The following NPFFR2 variants were observed in gnomAD, a reference collection of about 807,000 sequenced individuals.
NPFFR2 encodes the protein G-protein coupled receptor 74.
NPFFR2 carries 15 observed loss-of-function variants against 13.1 expected under a neutral mutation model. The ratio of observed to expected loss-of-function variants is 1.15; its 90% CI spans 0.77 to 1.76. NPFFR2 has a LOEUF of 1.76. NPFFR2 is among the 40% of genes most tolerant of loss of function. The probability of loss-of-function intolerance (pLI) is 0.00; values close to 1 mark genes in which losing one functional copy is unlikely to be tolerated. For missense variants in NPFFR2, 572 were observed against 503.5 expected, an observed-to-expected ratio of 1.14 and a Z score of -1.30; for synonymous variants, 190 against 175.7, an observed-to-expected ratio of 1.08 and a Z score of -0.65.
At chr4:72,130,431 G>A (rs1305004307) in intron 2 of NPFFR2, among the ~76,000 whole-genome samples, 1 of 152,058 alleles carries the variant, frequency 6.6e-6, no homozygotes, top group East Asian at 1.9e-4. Context: ...TAGTTTATGT[G>A]TGCAACATAA....
chr4:72,077,516 C>T (rs1322722489), intron 1 of NPFFR2, among the ~76,000 whole-genome samples: 1 of 152,080 alleles, frequency 6.6e-6, no homozygotes, highest in Non-Finnish European at 1.5e-5. Context: ...AAATTAATAT[C>T]TCATCCACGA....
chr4:72,103,675 T>G (rs1215580708), intron 1 of NPFFR2, among the ~76,000 whole-genome samples: 5 of 152,090 alleles, frequency 3.3e-5, no homozygotes, highest in African/African-American at 7.2e-5. Flanking sequence ...GCAATAAACT[T>G]TCCTTTATGG....
At chr4:72,130,411 CA>C (rs1052216328) in intron 2 of NPFFR2, among the ~76,000 whole-genome samples, 4 of 151,958 alleles carry the variant, frequency 2.6e-5, no homozygotes, top group Non-Finnish European at 2.9e-5. Context: ...AATGATTTTT[CA>C]AAAAGTGGTA....
At chr4:72,132,829 C>A (rs1318130573) in intron 2 of NPFFR2, among the ~76,000 whole-genome samples, 1 of 152,090 alleles carries the variant, frequency 6.6e-6, no homozygotes, top group East Asian at 1.9e-4. Context: ...GTCCTTTGCC[C>A]ACTTTTTAAT....
chr4:72,038,930 A>G (rs1174579036), intron 1 of NPFFR2, among the ~76,000 whole-genome samples: 2 of 40,990 alleles, frequency 4.9e-5, no homozygotes, highest in Non-Finnish European at 8.4e-5. Context: ...TTTTTTTGAG[A>G]TGGAGTCTCT....
In NPFFR2 at chr4:72,145,469, A is replaced by G. The variant is rs530395595; in HGVS notation, c.429-1509A>G. ...ATATATGTACTTATATATTTGTTTAATAAGTAAATTGAACAATAATATCCA... is the reference window on the plus strand; with the variant it reads ...ATATATGTACTTATATATTTGTTTAGTAAGTAAATTGAACAATAATATCCA... On this transcript the variant is annotated intron_variant, in intron 3 of 3. Coordinates refer to ENST00000308744, the MANE Select transcript of NPFFR2 (RefSeq NM_004885.3). 8.5e-5 allele frequency among the ~76,000 whole-genome samples: 13 copies of G among 152,126 alleles called. No individual in the cohort carries two copies. In the South Asian group the frequency reaches 2.1e-3, roughly 24 times the overall value.
chr4:72,106,465 C>G (rs1290290872), intron 1 of NPFFR2, among the ~76,000 whole-genome samples: 1 of 151,990 alleles, frequency 6.6e-6, no homozygotes, highest in African/African-American at 2.4e-5. Context: ...TGAATTGCCC[C>G]GCATGAAGAG....
At chr4:72,115,240 A>G (rs547386112) in intron 1 of NPFFR2, among the ~76,000 whole-genome samples, 2 of 152,274 alleles carry the variant, frequency 1.3e-5, no homozygotes, top group African/African-American at 4.8e-5. Context: ...AGAAATGAAA[A>G]GGTCAAGTGG....
chr4:72,120,824 A>C (rs1319085440), intron 1 of NPFFR2, among the ~76,000 whole-genome samples: 1 of 152,110 alleles, frequency 6.6e-6, no homozygotes, highest in East Asian at 1.9e-4. Flanking sequence ...AAATTCCAAA[A>C]ACCAGAATGC....
At chr4:72,119,530 G>A (rs1306222804) in intron 1 of NPFFR2, among the ~76,000 whole-genome samples, 2 of 152,120 alleles carry the variant, frequency 1.3e-5, no homozygotes, top group Admixed American at 6.6e-5. Context: ...AGCTCCCAGC[G>A]AGATCAACAC....
At chr4:72,143,546 A>G (rs1437551082) in intron 3 of NPFFR2, among the ~76,000 whole-genome samples, 1 of 152,140 alleles carries the variant, frequency 6.6e-6, no homozygotes, top group East Asian at 1.9e-4. Context: ...ACTTTACCGA[A>G]TCCACTGACT....
chr4:72,068,938 G>A (rs973809794), intron 1 of NPFFR2: 8 of 1,383,574 alleles, frequency 5.8e-6, no homozygotes, highest in Non-Finnish European at 6.8e-6. Context: ...AAATTAGGAT[G>A]TTAATTATAG....
intron 1 of NPFFR2, among the ~76,000 whole-genome samples, chr4:72,049,978 G>T (rs1719495331): frequency 6.6e-6 from 1 of 151,998 alleles, no homozygotes; most frequent in Non-Finnish European, 1.5e-5. Flanking sequence ...GGGGGTCACT[G>T]GTTGTGAAGG....
intron 1 of NPFFR2, among the ~76,000 whole-genome samples, chr4:72,048,083 C>T (rs1719427830): frequency 6.6e-6 from 1 of 151,980 alleles, no homozygotes; most frequent in East Asian, 1.9e-4. Flanking sequence ...ATTACACACA[C>T]ACACATATAT....
At chr4:72,101,235 C>A (rs1236785213) in intron 1 of NPFFR2, among the ~76,000 whole-genome samples, 2 of 151,984 alleles carry the variant, frequency 1.3e-5, no homozygotes, top group East Asian at 1.9e-4. Context: ...CCATACAATT[C>A]TCCTATTTAT....
intron 1 of NPFFR2, among the ~76,000 whole-genome samples, chr4:72,112,876 A>T (rs1368565864): frequency 6.6e-6 from 1 of 151,904 alleles, no homozygotes; most frequent in Non-Finnish European, 1.5e-5. Context: ...TTTACCGGTT[A>T]TATAGATTAA....
intron 1 of NPFFR2, among the ~76,000 whole-genome samples, chr4:72,122,485 T>G (rs7669016): frequency 0.07 from 10,682 of 152,182 alleles, 1,144 homozygotes; most frequent in African/African-American, 0.23. Context: ...ATTCTAAAAT[T>G]GACCACATAA....
At chr4:72,140,703 TATTGGTCTAAA>T (rs1722580011) in intron 3 of NPFFR2, among the ~76,000 whole-genome samples, 1 of 152,152 alleles carries the variant, frequency 6.6e-6, no homozygotes, top group Admixed American at 6.5e-5. Flanking sequence ...TCATCAGGGA[TATTGGTCTAAA>T]ATTCTCTTTT....
intron 3 of NPFFR2, 47 bp from the exon 4 acceptor site, chr4:72,146,931 C>A: frequency 7.6e-7 from 1 of 1,321,150 alleles, no homozygotes; most frequent in Non-Finnish European, 1.1e-6. Context: ...ATGACTTGGT[C>A]AGAAGTGATG....
Sources: gnomAD v4.1 joint callset for allele counts (sites outside exome capture counted in the v4.1 genomes callset) on GRCh38, gnomAD v4.1.1 for gene constraint, MANE v1.5 for transcripts, NCBI Gene and HGNC (gene_info 2026-07-23, HGNC 2026-07-21) for gene names.